Variants in TAS2R1 observed in about 807,000 individuals in gnomAD.
TAS2R1 encodes taste 2 receptor member 1.
For synonymous variants in TAS2R1, 141 were observed against 134.2 expected (o/e 1.05, Z -0.35); for missense variants, 370 against 353.4 (o/e 1.05, Z -0.38).
the TAS2R1 span, among the ~76,000 whole-genome samples, chr5:9,814,397 T>C: frequency 6.6e-6 from 1 of 152,190 alleles, no homozygotes; most frequent in Non-Finnish European, 1.5e-5. Context: ...AGCAGGAATA[T>C]CTAGAGTAAA....
At chr5:9,872,012 T>C in the TAS2R1 span, among the ~76,000 whole-genome samples, 1 of 152,222 alleles carries the variant, frequency 6.6e-6, no homozygotes, top group African/African-American at 2.4e-5. Flanking sequence ...TTCAAAAGTG[T>C]AGATTTTATT....
At chr5:9,648,018 A>C (rs1393504774) in intron 2 of TAS2R1, among the ~76,000 whole-genome samples, 1 of 152,186 alleles carries the variant, frequency 6.6e-6, no homozygotes, top group Non-Finnish European at 1.5e-5. Context: ...CCATGAAAAA[A>C]GTACTTTTGG....
the TAS2R1 span, among the ~76,000 whole-genome samples, chr5:9,844,191 TG>T: frequency 6.6e-6 from 1 of 152,212 alleles, no homozygotes; most frequent in East Asian, 1.9e-4. Context: ...GCTGAGATCA[TG>T]GAGACAATCT....
chr5:9,672,139 C>T (rs1033565357), intron 1 of TAS2R1, among the ~76,000 whole-genome samples: 9 of 152,090 alleles, frequency 5.9e-5, no homozygotes, highest in African/African-American at 2.2e-4. Context: ...CAAAATTTAA[C>T]TGATGATAAA....
chr5:9,758,495 C>A, the TAS2R1 span, among the ~76,000 whole-genome samples: 12 of 152,230 alleles, frequency 7.9e-5, no homozygotes, highest in African/African-American at 2.9e-4. Flanking sequence ...AATAGACAAA[C>A]AAAATCTAAA....
chr5:9,893,422 C>A, the TAS2R1 span, among the ~76,000 whole-genome samples: 1 of 152,086 alleles, frequency 6.6e-6, no homozygotes, highest in East Asian at 1.9e-4. Context: ...AGCCCAGACT[C>A]CTATCTCCGA....
At chr5:9,783,444 G>A in the TAS2R1 span, among the ~76,000 whole-genome samples, 1 of 152,322 alleles carries the variant, frequency 6.6e-6, no homozygotes, top group Non-Finnish European at 1.5e-5. Context: ...GAACCAGATG[G>A]CTTCAAGAAT....
intron 1 of TAS2R1, among the ~76,000 whole-genome samples, chr5:9,676,009 T>C (rs55727203): frequency 1.3e-5 from 2 of 152,322 alleles, no homozygotes; most frequent in African/African-American, 4.8e-5. Context: ...TAGCCTTTAC[T>C]ATGTTGAGAT....
chr5:9,868,494 C>G, the TAS2R1 span, among the ~76,000 whole-genome samples: 2,077 of 152,246 alleles, frequency 0.014, 52 homozygotes, highest in African/African-American at 0.047. Flanking sequence ...TGCAAAGTAC[C>G]AAGTTCCTAG....
chr5:9,713,654 T>C (rs1260917067), upstream of TAS2R1: 1 of 152,218 alleles, frequency 6.6e-6, no homozygotes, highest in East Asian at 1.9e-4. Context: ...CCATTTCTTT[T>C]GTAGTTTAAT....
At chr5:9,788,402 T>C in the TAS2R1 span, among the ~76,000 whole-genome samples, 4 of 152,204 alleles carry the variant, frequency 2.6e-5, no homozygotes, top group African/African-American at 9.6e-5. Flanking sequence ...TTGCTTCTGC[T>C]GTGCATGGCT....
At chr5:9,863,282 T>G in the TAS2R1 span, among the ~76,000 whole-genome samples, 288 of 150,752 alleles carry the variant, frequency 1.9e-3, 3 homozygotes, top group Middle Eastern at 0.014. Flanking sequence ...TTTTTTTTTT[T>G]TTTGAGATGG....
the TAS2R1 span, among the ~76,000 whole-genome samples, chr5:9,817,514 T>C: frequency 1.3e-5 from 2 of 152,188 alleles, no homozygotes; most frequent in South Asian, 4.1e-4. Flanking sequence ...GGGGTTTCTT[T>C]TGGGGGTGAG....
At chr5:9,809,013 T>C in the TAS2R1 span, among the ~76,000 whole-genome samples, 2 of 152,202 alleles carry the variant, frequency 1.3e-5, no homozygotes, top group Non-Finnish European at 2.9e-5. Context: ...AACTTCCTTA[T>C]GACCCATCAC....
the TAS2R1 span, among the ~76,000 whole-genome samples, chr5:9,834,036 A>G: frequency 6.6e-6 from 1 of 152,174 alleles, no homozygotes; most frequent in Admixed American, 6.6e-5. Flanking sequence ...TTTGTTCAGT[A>G]CGGAGATGGA....
chr5:9,898,560 T>A, the TAS2R1 span, among the ~76,000 whole-genome samples: 2 of 152,192 alleles, frequency 1.3e-5, no homozygotes, highest in African/African-American at 4.8e-5. Flanking sequence ...ACAGACAGAA[T>A]TCTGCCACAG....
chr5:9,794,390 T>G, the TAS2R1 span, among the ~76,000 whole-genome samples: 1 of 152,156 alleles, frequency 6.6e-6, no homozygotes, highest in African/African-American at 2.4e-5. Context: ...TATATTAAAT[T>G]TATAAAATAT....
At chr5:9,695,963 T>C (rs1215010120) in intron 1 of TAS2R1, among the ~76,000 whole-genome samples, 1 of 152,132 alleles carries the variant, frequency 6.6e-6, no homozygotes, top group East Asian at 1.9e-4. Flanking sequence ...AAGTAAATTA[T>C]ATGGTGGATG....
the TAS2R1 span, among the ~76,000 whole-genome samples, chr5:9,858,986 C>T: frequency 1.3e-5 from 2 of 152,182 alleles, no homozygotes; most frequent in African/African-American, 4.8e-5. Context: ...ATAGTTTTCA[C>T]ATTCCACTCA....
Sources: gnomAD v4.1 joint callset for allele counts (sites outside exome capture counted in the v4.1 genomes callset) on GRCh38, gnomAD v4.1.1 for gene constraint, MANE v1.5 for transcripts, NCBI Gene and HGNC (gene_info 2026-07-23, HGNC 2026-07-21) for gene names.